PIK3CB: variants seen among roughly 807,000 people sequenced by gnomAD.
The protein encoded by PIK3CB is phosphatidylinositol 4,5-bisphosphate 3-kinase catalytic subunit beta isoform.
A neutral mutation model predicts 136.8 loss-of-function variants in PIK3CB; 39 were observed. The observed-to-expected ratio is 0.29, with a 90% CI of 0.22 to 0.37. The LOEUF (loss-of-function observed/expected upper bound fraction) is 0.37, where lower values mean the gene tolerates loss of function less well. Ranked by LOEUF, PIK3CB falls within the 10% of genes least tolerant of loss-of-function variation. PIK3CB has a pLI of 1.00. For synonymous variants in PIK3CB, 428 were observed against 436.6 expected (o/e 0.98, Z 0.25); for missense variants, 868 against 1,275.4 (o/e 0.68, Z 4.87).
At chr3:138,744,565 C>T (rs563097559) in intron 4 of PIK3CB, among the ~76,000 whole-genome samples, 101 of 151,948 alleles carry the variant, frequency 6.6e-4, no homozygotes, top group African/African-American at 2.4e-3. Flanking sequence ...GCAGCAGACG[C>T]AGGCATACTG....
intron 1 of PIK3CB, 55 bp from the exon 2 acceptor site, chr3:138,796,622 C>T (rs1362381294): frequency 5.3e-5 from 8 of 151,922 alleles, no homozygotes; most frequent in Non-Finnish European, 7.4e-5. Context: ...AATTAAGTCA[C>T]GTAAATTTTA....
intron 1 of PIK3CB, among the ~76,000 whole-genome samples, chr3:138,803,021 G>A (rs1465753315): frequency 6.6e-6 from 1 of 152,208 alleles, no homozygotes; most frequent in Non-Finnish European, 1.5e-5. Context: ...AGCAATGCAA[G>A]AAGTAGAATA....
chr3:138,815,077 T>C (rs2108882161), intron 1 of PIK3CB, among the ~76,000 whole-genome samples: 1 of 140,616 alleles, frequency 7.1e-6, no homozygotes, highest in Non-Finnish European at 1.5e-5. Flanking sequence ...GAGGCGGAGC[T>C]TGCAGTGAGC....
intron 1 of PIK3CB, among the ~76,000 whole-genome samples, chr3:138,810,037 C>G (rs917399282): frequency 6.6e-6 from 1 of 152,126 alleles, no homozygotes; most frequent in African/African-American, 2.4e-5. Flanking sequence ...CACGAACACA[C>G]ACACACAATG....
At chr3:138,695,007 AG>A in intron 13 of PIK3CB, 100 bp from the exon 14 acceptor site, 7 of 1,155,186 alleles carry the variant, frequency 6.1e-6, no homozygotes, top group Non-Finnish European at 8.3e-6. Flanking sequence ...AAGAAGGCAA[AG>A]CTCACTTTTA....
intron 1 of PIK3CB, among the ~76,000 whole-genome samples, chr3:138,832,520 C>T (rs1274221588): frequency 6.6e-6 from 1 of 151,446 alleles, no homozygotes; most frequent in Admixed American, 6.6e-5. Flanking sequence ...GGCAAAACCA[C>T]CTCTCTACCA....
intron 3 of PIK3CB, among the ~76,000 whole-genome samples, chr3:138,758,052 A>ACATACAAT (rs2045604798): frequency 6.6e-6 from 1 of 152,228 alleles, no homozygotes; most frequent in Admixed American, 6.5e-5. Context: ...TGTGGCATAT[A>ACATACAAT]CATACAATGG....
chr3:138,774,961 C>T (rs1459630203), intron 2 of PIK3CB, among the ~76,000 whole-genome samples: 1 of 152,214 alleles, frequency 6.6e-6, no homozygotes, highest in African/African-American at 2.4e-5. Context: ...TAAGTTTGGT[C>T]TGGCAAGTAC....
At chr3:138,790,745 C>T (rs1259020562) in intron 2 of PIK3CB, among the ~76,000 whole-genome samples, 1 of 148,328 alleles carries the variant, frequency 6.7e-6, no homozygotes, top group African/African-American at 2.5e-5. Context: ...GCCCAGGAGG[C>T]AGAGCTTGCA....
At chr3:138,801,309 A>T (rs1455321737) in intron 1 of PIK3CB, among the ~76,000 whole-genome samples, 1 of 152,220 alleles carries the variant, frequency 6.6e-6, no homozygotes, top group Non-Finnish European at 1.5e-5. Flanking sequence ...ATCAAATATC[A>T]GAGCCTCCCC....
chr3:138,676,094 A>G (rs1009336915), intron 19 of PIK3CB, among the ~76,000 whole-genome samples: 1 of 152,240 alleles, frequency 6.6e-6, no homozygotes, highest in Non-Finnish European at 1.5e-5. Context: ...TATAAAATAT[A>G]TAAAGAATTC....
chr3:138,766,369 A>G (rs1418379866), intron 2 of PIK3CB, among the ~76,000 whole-genome samples: 4 of 152,154 alleles, frequency 2.6e-5, no homozygotes, highest in Non-Finnish European at 5.9e-5. Context: ...ATAATTCACT[A>G]AGTTTTTATG....
chr3:138,673,347 A>G (rs914464130), intron 19 of PIK3CB, among the ~76,000 whole-genome samples: 5 of 152,204 alleles, frequency 3.3e-5, no homozygotes, highest in African/African-American at 1.2e-4. Flanking sequence ...TAAAAGAAAT[A>G]CACACGCACA....
At chr3:138,788,964 CAAAAAAAAAAA>C (rs57432821) in intron 2 of PIK3CB, among the ~76,000 whole-genome samples, 2,526 of 89,504 alleles carry the variant, frequency 0.028, 51 homozygotes, top group African/African-American at 0.11. Context: ...GACTTCGTCT[CAAAAAAAAAAA>C]AAAAAAAAAA....
intron 1 of PIK3CB, among the ~76,000 whole-genome samples, chr3:138,805,114 C>T (rs1658946771): frequency 6.6e-6 from 1 of 151,794 alleles, no homozygotes; most frequent in African/African-American, 2.4e-5. Context: ...GCAGGCGGAT[C>T]ACCTGAGGTC....
chr3:138,681,053 T>G (rs1030338615), intron 19 of PIK3CB, among the ~76,000 whole-genome samples: 3 of 136,980 alleles, frequency 2.2e-5, no homozygotes, highest in African/African-American at 7.7e-5. Flanking sequence ...TTTTTTTTTG[T>G]TTTTTTTTTT....
chr3:138,764,287 GAA>G (rs1337203057), intron 2 of PIK3CB, among the ~76,000 whole-genome samples: 1 of 133,276 alleles, frequency 7.5e-6, no homozygotes. Flanking sequence ...CATCTATCAA[GAA>G]AAAAAAAAAA....
intron 2 of PIK3CB, chr3:138,778,797 T>G: frequency 4.1e-6 from 1 of 244,098 alleles, no homozygotes; most frequent in East Asian, 1.1e-4. Flanking sequence ...GACCTTATGG[T>G]GCACATGGCC....
chr3:138,750,532 G>A (rs1331764874), intron 4 of PIK3CB, among the ~76,000 whole-genome samples: 2 of 152,138 alleles, frequency 1.3e-5, no homozygotes, highest in African/African-American at 2.4e-5. Flanking sequence ...GACAGGAGGC[G>A]AAGTTCAGGT....
Sources: gnomAD v4.1 joint callset for allele counts (sites outside exome capture counted in the v4.1 genomes callset) on GRCh38, gnomAD v4.1.1 for gene constraint, MANE v1.5 for transcripts, NCBI Gene and HGNC (gene_info 2026-07-23, HGNC 2026-07-21) for gene names.